The following ADD2 variants were observed in gnomAD, a reference collection of about 807,000 sequenced individuals.
The protein encoded by ADD2 is beta-adducin.
Under a neutral mutation model 83.0 loss-of-function variants are expected in ADD2, and 23 were observed. The ratio of observed to expected loss-of-function variants is 0.28; its 90% CI spans 0.20 to 0.39. ADD2 has a LOEUF of 0.39. ADD2 is among the 10% of genes least tolerant of loss of function. The pLI, the probability that ADD2 is intolerant of heterozygous loss-of-function variation, is 1.00. For missense variants in ADD2, 758 were observed against 944.9 expected, an observed-to-expected ratio of 0.80 and a Z score of 2.59; for synonymous variants, 375 against 375.4, an observed-to-expected ratio of 1.00 and a Z score of 0.01.
chr2:70,692,289 C>T lies in ADD2; in HGVS notation c.705+114G>A, dbSNP rs115043337. 2,071 of 1,249,664 alleles carry T rather than the reference C, an allele frequency of 1.7e-3. 25 individuals carry two copies. The African/African-American group carries it at 0.029, about 17-fold the overall frequency. 77.4% of individuals were successfully genotyped at this position (1,249,664 alleles called of 1,614,324 possible). A position where few individuals can be genotyped will look rare whatever the true frequency, so the allele number is the denominator to read the frequency against. ...GGCGTTTCCACGTTGGGAGTTCTCT[C>T]GCTTCACCTTGGCCTGAGTTCTAGA... On this transcript the variant is annotated intron_variant, in intron 7 of 15. Transcript: ENST00000264436.
At chr2:70,687,641 T>G (rs1670808443) in intron 9 of ADD2, among the ~76,000 whole-genome samples, 1 of 152,146 alleles carries the variant, frequency 6.6e-6, no homozygotes, top group Admixed American at 6.5e-5. Flanking sequence ...AACACCTACC[T>G]GTGTGTCTGT....
intron 2 of ADD2, 25 bp downstream of exon 2, chr2:70,713,041 C>T (rs550354620): frequency 7.4e-5 from 72 of 968,548 alleles, no homozygotes; most frequent in Middle Eastern, 1.1e-3. Context: ...ACCCCCGTCA[C>T]CACCAGAAAC....
At chr2:70,721,168 T>C (rs952857190) in intron 1 of ADD2, among the ~76,000 whole-genome samples, 27 of 152,232 alleles carry the variant, frequency 1.8e-4, no homozygotes, top group Admixed American at 3.3e-4. Context: ...CTAAATCTAC[T>C]GTTATCTTCT....
chr2:70,724,049 C>T (rs1672861680), intron 1 of ADD2, among the ~76,000 whole-genome samples: 1 of 152,238 alleles, frequency 6.6e-6, no homozygotes. Flanking sequence ...GATGAGGCCA[C>T]AGTGAATATC....
Position 70,703,104 on chromosome 2 carries a change from AGT to A in ADD2, c.322+1215_322+1216del, listed in dbSNP as rs202005720. On this transcript the variant is annotated intron_variant, in intron 4 of 15. Coordinates refer to ENST00000264436, the MANE Select transcript of ADD2 (RefSeq NM_001617.4). ...CACTACACTCTAGCCTGGGCAACAG[AGT>A]GAGATTCTGCGTGAAAGAAAGGAAA... Among the ~76,000 whole-genome samples, 757 of 152,038 alleles carry A rather than the reference AGT, an allele frequency of 5.0e-3. 10 individuals carry two copies. Among genetic ancestry groups the A allele is most frequent in the African/African-American group, 0.017 (698 of 41,418 alleles).
chr2:70,724,796 A>G (rs3771433), intron 1 of ADD2, among the ~76,000 whole-genome samples: 53,471 of 152,130 alleles, frequency 0.35, 10,136 homozygotes, highest in African/African-American at 0.51. Flanking sequence ...CATCCTACAC[A>G]TGCCAACAGC....
At chr2:70,677,651 G>T in intron 12 of ADD2, 107 bp downstream of exon 12, 2 of 1,425,086 alleles carry the variant, frequency 1.4e-6, no homozygotes, top group African/African-American at 1.4e-5. Context: ...TGAGGCATGT[G>T]AGATGTCAGC....
intron 3 of ADD2, among the ~76,000 whole-genome samples, chr2:70,704,708 G>C (rs1317785225): frequency 2.0e-5 from 3 of 152,182 alleles, no homozygotes; most frequent in African/African-American, 7.2e-5. Context: ...CAGATTCCAG[G>C]TCCTTTCTGT....
At position 70,663,387 on chromosome 2, in the gene ADD2, G is replaced by C; in HGVS notation, c.*38C>G. The stretch of plus-strand genomic sequence containing the variant: ...GAGATGGGAGAAGGGAAGGGGAGGA[G>C]AGAGAGGAGGCAGGAGGGAGCCCAA... On this transcript the variant is annotated 3_prime_UTR_variant, in exon 16 of 16. Coordinates refer to ENST00000264436, the MANE Select transcript of ADD2 (RefSeq NM_001617.4). 3 of 1,569,142 alleles carry C rather than the reference G, an allele frequency of 1.9e-6. No individual in the cohort carries two copies. Among genetic ancestry groups the C allele is most frequent in the East Asian group, 2.2e-5 (1 of 44,656 alleles).
At chr2:70,663,783 C>G in intron 15 of ADD2, 48 bp from the exon 16 acceptor site, 1 of 1,547,874 alleles carries the variant, frequency 6.5e-7, no homozygotes, top group Non-Finnish European at 8.8e-7. Context: ...ATTCAGGTGA[C>G]AGCTTCCACC....
At chr2:70,741,616 A>G (rs1673913326) in intron 1 of ADD2, among the ~76,000 whole-genome samples, 1 of 152,226 alleles carries the variant, frequency 6.6e-6, no homozygotes, top group African/African-American at 2.4e-5. Flanking sequence ...TAAAATATGA[A>G]CAAACGTTCT....
intron 10 of ADD2, among the ~76,000 whole-genome samples, chr2:70,681,899 G>A (rs1670470282): frequency 6.6e-6 from 1 of 151,950 alleles, no homozygotes; most frequent in Non-Finnish European, 1.5e-5. Flanking sequence ...TGTATTTTTT[G>A]TAGAGATAGG....
intron 1 of ADD2, among the ~76,000 whole-genome samples, chr2:70,716,893 A>C (rs1553376439): frequency 1.3e-5 from 2 of 152,174 alleles, no homozygotes; most frequent in South Asian, 2.1e-4. Context: ...GACAGAACCC[A>C]GCAACAGATT....
At chr2:70,707,609 G>C (rs2110981) in intron 2 of ADD2, among the ~76,000 whole-genome samples, 51,721 of 152,202 alleles carry the variant, frequency 0.34, 9,637 homozygotes, top group African/African-American at 0.5. Flanking sequence ...CCTTCAAATC[G>C]GTGCTCTGCC....
In ADD2 at chr2:70,687,998, CCCACTTT is replaced by C. The variant is rs1553370819; in HGVS notation, c.948+19_948+25del. 8.2e-6 allele frequency: 13 copies of C among 1,594,784 alleles called. No homozygotes were observed. The South Asian group carries it at 1.4e-4, about 18-fold the overall frequency. On this transcript the variant is annotated intron_variant, in intron 9 of 15. Transcript: ENST00000264436. ...GCCCCTGTCAGAGCCCACTCCTGGG[CCCACTTT>C]CCAGGAGAATTTGCTCACCTGTATC...
chr2:70,682,788 C>T (rs1553369786), intron 10 of ADD2, among the ~76,000 whole-genome samples: 1 of 152,136 alleles, frequency 6.6e-6, no homozygotes, highest in Non-Finnish European at 1.5e-5. Flanking sequence ...AGAGCCAGCC[C>T]ACTCCTAGAC....
chr2:70,759,777 T>C lies in ADD2; in HGVS notation c.-154+8109A>G, dbSNP rs184382132. Among the ~76,000 whole-genome samples the C allele has an allele frequency of 1.1e-3, 172 of 152,206 alleles. 1 individual carries two copies. Among genetic ancestry groups the C allele is most frequent in the Non-Finnish European group, 2.1e-3 (142 of 67,980 alleles). On this transcript the variant is annotated intron_variant, in intron 1 of 15. Transcript: ENST00000264436. ...GTAGAATCATGAGAAAAGTAAACCT[T>C]TTCTCTATAAATTACCCAGCCTTGG...
rs782027593 is a variant in ADD2, at chr2:70,690,900, A to G, written c.735T>C (p.Pro245=). 6.2e-7 allele frequency: 1 copy of G among 1,613,588 alleles called. No homozygotes were observed. The highest frequency in any genetic ancestry group is 1.7e-5 in the Admixed American group (1 of 59,902). ...CCACCAGCAGGGCATTGTGGGAGAC[A>G]GGCAGGAGGCCCCACTTCATGGCCG... The part of the protein sequence containing the change: ...AVSAMKWGLL[P]VSHNALLVGD... The change falls in exon 8 of 16, where the codon CCT becomes CCC. Residue 245 remains proline (P), a synonymous_variant. Transcript: ENST00000264436.
chr2:70,666,266 G>A (rs1179256219), intron 15 of ADD2, among the ~76,000 whole-genome samples: 2 of 152,234 alleles, frequency 1.3e-5, no homozygotes, highest in African/African-American at 4.8e-5. Context: ...GCAAATAAAT[G>A]AATATGTGAA....
Sources: gnomAD v4.1 joint callset for allele counts (sites outside exome capture counted in the v4.1 genomes callset) on GRCh38, gnomAD v4.1.1 for gene constraint, MANE v1.5 for transcripts, NCBI Gene and HGNC (gene_info 2026-07-23, HGNC 2026-07-21) for gene names.